Variants in PDE4D observed in about 807,000 individuals in gnomAD.
PDE4D encodes 3',5'-cyclic-AMP phosphodiesterase 4D.
A neutral mutation model predicts 87.4 loss-of-function variants in PDE4D; 24 were observed. That is an observed-to-expected ratio of 0.27 (90% CI 0.20 to 0.39). The LOEUF (loss-of-function observed/expected upper bound fraction) is 0.39. Among genes scored for constraint, PDE4D ranks in the 10% least tolerant of loss-of-function variants. The probability of loss-of-function intolerance (pLI) is 1.00; values close to 1 mark genes in which losing one functional copy is unlikely to be tolerated. For missense variants in PDE4D, 714 were observed against 1,041.0 expected, an observed-to-expected ratio of 0.69 and a Z score of 4.32; for synonymous variants, 384 against 383.2, an observed-to-expected ratio of 1.00 and a Z score of -0.02.
chr5:60,294,995 G>A (rs981450580), intron 1 of PDE4D, among the ~76,000 whole-genome samples: 5 of 152,174 alleles, frequency 3.3e-5, no homozygotes, highest in South Asian at 2.1e-4. Context: ...TGATCAATGA[G>A]CAAAGTATAT....
intron 7 of PDE4D, among the ~76,000 whole-genome samples, chr5:58,992,980 G>C (rs944339353): frequency 6.6e-6 from 1 of 152,114 alleles, no homozygotes; most frequent in Non-Finnish European, 1.5e-5. Context: ...ACACAAGACG[G>C]TAAATTCATC....
At chr5:59,551,047 G>GGAAATAGAATCC (rs1285518250) in intron 1 of PDE4D, among the ~76,000 whole-genome samples, 1 of 151,940 alleles carries the variant, frequency 6.6e-6, no homozygotes, top group Non-Finnish European at 1.5e-5. Flanking sequence ...TAGTAACACT[G>GGAAATAGAATCC]GAAATAGAAT....
chr5:60,039,969 T>C (rs1768274744), intron 2 of PDE4D, among the ~76,000 whole-genome samples: 2 of 152,204 alleles, frequency 1.3e-5, no homozygotes, highest in South Asian at 4.1e-4. Flanking sequence ...ATTGCAAGTA[T>C]TTTATTTTTA....
At chr5:59,272,799 T>C (rs989540721) in intron 1 of PDE4D, among the ~76,000 whole-genome samples, 3 of 152,148 alleles carry the variant, frequency 2.0e-5, no homozygotes, top group Non-Finnish European at 4.4e-5. Context: ...TGAAATCCCA[T>C]TTAAAATGTG....
At chr5:59,174,719 G>A (rs937588349) in intron 5 of PDE4D, among the ~76,000 whole-genome samples, 27 of 152,074 alleles carry the variant, frequency 1.8e-4, no homozygotes, top group Admixed American at 2.6e-4. Flanking sequence ...ATACTTCCAC[G>A]GTGGGTATAA....
At chr5:60,519,752 G>A (rs1462192737) in intron 1 of PDE4D, among the ~76,000 whole-genome samples, 1 of 152,202 alleles carries the variant, frequency 6.6e-6, no homozygotes, top group African/African-American at 2.4e-5. Flanking sequence ...ATACCTTAAG[G>A]AAAATAACTT....
intron 1 of PDE4D, among the ~76,000 whole-genome samples, chr5:60,265,439 C>A (rs1344390822): frequency 1.3e-5 from 2 of 152,204 alleles, no homozygotes; most frequent in African/African-American, 4.8e-5. Flanking sequence ...TAAGGAAAGT[C>A]ATTTGGCTAG....
chr5:59,297,117 A>G (rs1291031689), intron 1 of PDE4D, among the ~76,000 whole-genome samples: 1 of 152,172 alleles, frequency 6.6e-6, no homozygotes, highest in Non-Finnish European at 1.5e-5. Flanking sequence ...AAGATTGCAG[A>G]AGAATTAAGG....
intron 5 of PDE4D, among the ~76,000 whole-genome samples, chr5:59,134,752 T>G (rs1776788528): frequency 6.6e-6 from 1 of 152,184 alleles, no homozygotes; most frequent in Admixed American, 6.5e-5. Context: ...ACATTATATA[T>G]ATGACCCTTT....
chr5:59,232,040 C>T (rs894031460), intron 1 of PDE4D, among the ~76,000 whole-genome samples: 5 of 152,058 alleles, frequency 3.3e-5, no homozygotes, highest in East Asian at 1.9e-4. Context: ...CACACAGAAC[C>T]GAGATTAACA....
intron 1 of PDE4D, among the ~76,000 whole-genome samples, chr5:59,498,612 A>G (rs1807665919): frequency 6.6e-6 from 1 of 152,038 alleles, no homozygotes. Context: ...GGAAACAAAA[A>G]AAGAACAAGG....
At chr5:60,348,325 C>T (rs1280334324) in intron 1 of PDE4D, among the ~76,000 whole-genome samples, 1 of 151,674 alleles carries the variant, frequency 6.6e-6, no homozygotes, top group Non-Finnish European at 1.5e-5. Context: ...ATGCTCCAAA[C>T]ACAGAAAAAA....
Position 59,427,290 on chromosome 5 carries a change from TATACACAC to T in PDE4D, c.456-211330_456-211323del, listed in dbSNP as rs1166988606. 2.1e-3 allele frequency among the ~76,000 whole-genome samples: 180 copies of T among 87,116 alleles called. 1 individual carries two copies. The highest frequency in any genetic ancestry group is 8.5e-3 in the African/African-American group (173 of 20,470). The allele number at this position is 87,116 out of a possible 152,430, so 57.2% of individuals were successfully genotyped here. On this transcript the variant is annotated intron_variant, in intron 1 of 14. Transcript: ENST00000340635. The stretch of plus-strand genomic sequence containing the variant: ...ACTGTGGCATACAGGGAAGTGATTT[TATACACAC>T]ACACACACACACACACACACACACA...
chr5:59,195,425 G>A (rs562198325), intron 2 of PDE4D, among the ~76,000 whole-genome samples: 10 of 152,338 alleles, frequency 6.6e-5, no homozygotes, highest in African/African-American at 2.4e-4. Context: ...CAGAGCAGCT[G>A]CCTAGATGAG....
At chr5:59,586,473 C>T (rs1016498883) in intron 1 of PDE4D, 11 of 1,418,702 alleles carry the variant, frequency 7.8e-6, no homozygotes, top group South Asian at 6.7e-5. Context: ...GAGCAGCTAT[C>T]GTGGGCAATT....
At chr5:59,699,356 TAATAA>T (rs1414857179) in intron 1 of PDE4D, among the ~76,000 whole-genome samples, 1 of 151,970 alleles carries the variant, frequency 6.6e-6, no homozygotes, top group Non-Finnish European at 1.5e-5. Context: ...AAAAGAAAAA[TAATAA>T]AATAAAAAGA....
chr5:59,583,213 C>T (rs994608697), intron 1 of PDE4D, among the ~76,000 whole-genome samples: 1 of 152,112 alleles, frequency 6.6e-6, no homozygotes, highest in Non-Finnish European at 1.5e-5. Context: ...AGGCAAAAAG[C>T]TGAACATGTT....
intron 1 of PDE4D, among the ~76,000 whole-genome samples, chr5:59,330,171 C>T (rs1776448852): frequency 6.6e-6 from 1 of 152,132 alleles, no homozygotes; most frequent in African/African-American, 2.4e-5. Context: ...TCTTGGGGAT[C>T]AGGGGGCTAT....
At chr5:59,770,564 G>T (rs1763335811) in intron 1 of PDE4D, among the ~76,000 whole-genome samples, 1 of 152,092 alleles carries the variant, frequency 6.6e-6, no homozygotes, top group Admixed American at 6.5e-5. Flanking sequence ...AAATGTATTT[G>T]TACATGTTTT....
Sources: allele counts gnomAD v4.1 joint callset (sites outside exome capture counted in the v4.1 genomes callset), GRCh38; gene constraint gnomAD v4.1.1; transcripts MANE v1.5; gene names NCBI Gene and HGNC (gene_info 2026-07-23, HGNC 2026-07-21).